CHLSN: variants seen among roughly 807,000 people sequenced by gnomAD.
CHLSN encodes the protein cholesin.
chr7:1,009,588 C>A, the CHLSN span, among the ~76,000 whole-genome samples: 2 of 152,198 alleles, frequency 1.3e-5, no homozygotes, highest in Non-Finnish European at 2.9e-5. Flanking sequence ...TGAGTGAGGG[C>A]TGAAGGCCAC....
chr7:992,048 C>T, the CHLSN span, among the ~76,000 whole-genome samples: 4 of 152,314 alleles, frequency 2.6e-5, no homozygotes, highest in South Asian at 6.2e-4. Flanking sequence ...TCGGGAGATG[C>T]CTCTGTGGAC....
the CHLSN span, among the ~76,000 whole-genome samples, chr7:1,002,172 C>T: frequency 8.8e-4 from 52 of 59,300 alleles, no homozygotes; most frequent in Admixed American, 2.9e-3. Flanking sequence ...TGGAGTCCTG[C>T]AGGTGGGGAG....
At chr7:1,128,595 C>CCT in the CHLSN span, among the ~76,000 whole-genome samples, 1 of 13,220 alleles carries the variant, frequency 7.6e-5, no homozygotes, top group Non-Finnish European at 1.3e-4. Flanking sequence ...CTCATCCCAC[C>CCT]GTCACCCGGG....
the CHLSN span, chr7:1,009,929 G>T: frequency 8.6e-6 from 13 of 1,519,802 alleles, no homozygotes; most frequent in East Asian, 2.4e-5. Context: ...GGACAGAACC[G>T]CGTGGGGCAG....
At chr7:1,016,450 C>A in the CHLSN span, among the ~76,000 whole-genome samples, 22 of 138,276 alleles carry the variant, frequency 1.6e-4, no homozygotes, top group Middle Eastern at 4.3e-3. Flanking sequence ...CGCCAGCACA[C>A]AGCAGCGCAC....
At chr7:1,060,641 C>G in the CHLSN span, among the ~76,000 whole-genome samples, 1 of 152,234 alleles carries the variant, frequency 6.6e-6, no homozygotes, top group African/African-American at 2.4e-5. Flanking sequence ...GGACGCGGCT[C>G]TGGGTGGCTC....
At chr7:1,046,443 A>G in the CHLSN span, among the ~76,000 whole-genome samples, 1 of 152,166 alleles carries the variant, frequency 6.6e-6, no homozygotes, top group Admixed American at 6.5e-5. Flanking sequence ...GGCTTTCACT[A>G]ACCCACCTGC....
At chr7:985,143 C>A in the CHLSN span, 2 of 1,599,966 alleles carry the variant, frequency 1.3e-6, no homozygotes, top group Non-Finnish European at 1.7e-6. Flanking sequence ...CCTGGACGTG[C>A]CTGAGGCCCG....
At chr7:978,433 G>A in the CHLSN span, among the ~76,000 whole-genome samples, 1 of 152,134 alleles carries the variant, frequency 6.6e-6, no homozygotes, top group Admixed American at 6.5e-5. Context: ...TGGGAGGATC[G>A]TCTGAGCCCT....
At chr7:997,764 T>A in the CHLSN span, 2 of 1,608,894 alleles carry the variant, frequency 1.2e-6, no homozygotes, top group East Asian at 2.2e-5. Context: ...CTGCAGCCCC[T>A]CCAGGTAGGC....
the CHLSN span, among the ~76,000 whole-genome samples, chr7:1,102,396 T>C: frequency 1.3e-5 from 2 of 152,282 alleles, no homozygotes; most frequent in South Asian, 4.1e-4. Context: ...AAGGGAAAAG[T>C]CGGCGTCTGC....
the CHLSN span, among the ~76,000 whole-genome samples, chr7:1,021,776 G>A: frequency 6.6e-6 from 1 of 152,250 alleles, no homozygotes; most frequent in African/African-American, 2.4e-5. Flanking sequence ...CGCACTAAAA[G>A]AAAGCATGCG....
At chr7:1,039,484 C>T in the CHLSN span, among the ~76,000 whole-genome samples, 3 of 55,016 alleles carry the variant, frequency 5.5e-5, no homozygotes, top group Non-Finnish European at 7.2e-5. Flanking sequence ...TCTGCCCGGC[C>T]GCCCCTACTG....
chr7:1,058,649 T>A, the CHLSN span: 6 of 612,342 alleles, frequency 9.8e-6, no homozygotes, highest in Non-Finnish European at 1.8e-5. Flanking sequence ...TTTCTTGAAG[T>A]TTCCTTTTTC....
At chr7:997,766 C>T in the CHLSN span, 1 of 1,609,136 alleles carries the variant, frequency 6.2e-7, no homozygotes, top group Non-Finnish European at 8.5e-7. Flanking sequence ...GCAGCCCCTC[C>T]AGGTAGGCCA....
At chr7:1,015,957 G>C in the CHLSN span, among the ~76,000 whole-genome samples, 2 of 152,140 alleles carry the variant, frequency 1.3e-5, no homozygotes, top group South Asian at 4.1e-4. Flanking sequence ...CAGTGACCCT[G>C]GACCGGCGTC....
At chr7:1,065,206 C>T in the CHLSN span, among the ~76,000 whole-genome samples, 1 of 152,212 alleles carries the variant, frequency 6.6e-6, no homozygotes, top group Non-Finnish European at 1.5e-5. Context: ...CTGGCATACA[C>T]TAAGTGTGCA....
the CHLSN span, among the ~76,000 whole-genome samples, chr7:1,066,760 G>A: frequency 0.011 from 1,665 of 152,368 alleles, 15 homozygotes; most frequent in Middle Eastern, 0.024. Context: ...ACGAGGGAAG[G>A]CCCCACATGC....
chr7:1,121,150 G>A, the CHLSN span, among the ~76,000 whole-genome samples: 9 of 152,344 alleles, frequency 5.9e-5, no homozygotes, highest in South Asian at 2.1e-4. Context: ...ACAAGTTCTC[G>A]GGGTCTCAGT....
Sources: allele counts gnomAD v4.1 joint callset (sites outside exome capture counted in the v4.1 genomes callset), GRCh38; gene constraint gnomAD v4.1.1; transcripts MANE v1.5; gene names NCBI Gene and HGNC (gene_info 2026-07-23, HGNC 2026-07-21).